FRMD4B: variants seen among roughly 807,000 people sequenced by gnomAD.
The protein encoded by FRMD4B is FERM domain containing 4B.
In FRMD4B, 74 loss-of-function variants were observed where a neutral mutation model predicts 141.5. The observed-to-expected ratio is 0.52, with a 90% CI of 0.43 to 0.63. The LOEUF (loss-of-function observed/expected upper bound fraction) is 0.63. Ranked by LOEUF, FRMD4B falls within the 30% of genes least tolerant of loss-of-function variation. FRMD4B has a pLI of 0.00. For missense variants in FRMD4B, 1,366 were observed against 1,253.4 expected (o/e 1.09, Z -1.36); for synonymous variants, 506 against 467.9 (o/e 1.08, Z -1.05).
intron 1 of FRMD4B, among the ~76,000 whole-genome samples, chr3:69,349,940 A>G (rs1052082931): frequency 6.6e-6 from 1 of 152,182 alleles, no homozygotes; most frequent in African/African-American, 2.4e-5. Flanking sequence ...TAAAACACCA[A>G]AAGCAATGGC....
chr3:69,471,159 T>G (rs1705882462), intron 1 of FRMD4B, among the ~76,000 whole-genome samples: 1 of 152,088 alleles, frequency 6.6e-6, no homozygotes, highest in African/African-American at 2.4e-5. Context: ...TTTCAAGGGG[T>G]TTGGTGAGTT....
chr3:69,532,795 G>A (rs1394573750), intron 1 of FRMD4B, among the ~76,000 whole-genome samples: 6 of 152,218 alleles, frequency 3.9e-5, no homozygotes, highest in African/African-American at 1.4e-4. Context: ...GGTGCAACAA[G>A]GGAAGCCCGA....
At chr3:69,344,668 T>C (rs1702868960) in intron 1 of FRMD4B, among the ~76,000 whole-genome samples, 1 of 152,210 alleles carries the variant, frequency 6.6e-6, no homozygotes, top group African/African-American at 2.4e-5. Flanking sequence ...TACTGTTGTA[T>C]AGGATAAAGT....
At chr3:69,215,146 C>T (rs1011957839) in intron 11 of FRMD4B, among the ~76,000 whole-genome samples, 2 of 151,716 alleles carry the variant, frequency 1.3e-5, no homozygotes, top group African/African-American at 4.8e-5. Flanking sequence ...TCCCAAAGTG[C>T]TGGGATTACA....
At chr3:69,278,180 G>C (rs2093627461) in intron 5 of FRMD4B, among the ~76,000 whole-genome samples, 1 of 152,152 alleles carries the variant, frequency 6.6e-6, no homozygotes, top group Non-Finnish European at 1.5e-5. Context: ...AAGTGTGGTA[G>C]GCAGTCCATT....
intron 1 of FRMD4B, among the ~76,000 whole-genome samples, chr3:69,476,510 T>C (rs1230094565): frequency 2.0e-5 from 3 of 152,168 alleles, no homozygotes; most frequent in African/African-American, 7.2e-5. Flanking sequence ...GATCAGATAG[T>C]TGTAGATATG....
intron 7 of FRMD4B, among the ~76,000 whole-genome samples, chr3:69,233,084 T>G (rs1011843632): frequency 4.0e-5 from 6 of 151,796 alleles, no homozygotes; most frequent in Admixed American, 1.3e-4. Context: ...AGCAAAGCGC[T>G]TCCTTACCTG....
intron 1 of FRMD4B, among the ~76,000 whole-genome samples, chr3:69,454,637 A>G (rs1282999085): frequency 6.6e-6 from 1 of 152,134 alleles, no homozygotes; most frequent in Non-Finnish European, 1.5e-5. Context: ...CGCCCACGCC[A>G]CACTCTAATT....
At chr3:69,313,556 G>A (rs555958510) in intron 1 of FRMD4B, 39 bp from the exon 2 acceptor site, 3 of 1,276,266 alleles carry the variant, frequency 2.4e-6, no homozygotes, top group African/African-American at 1.5e-5. Context: ...TCAGGGCCAC[G>A]GCTGGCAAGC....
At chr3:69,212,370 AAAAAAAAAAAG>A (rs1197425905) in intron 11 of FRMD4B, among the ~76,000 whole-genome samples, 1,056 of 91,840 alleles carry the variant, frequency 0.011, 16 homozygotes, top group African/African-American at 0.036. Context: ...AAAAAAAAAA[AAAAAAAAAAAG>A]AAAAAAAAAA....
intron 1 of FRMD4B, among the ~76,000 whole-genome samples, chr3:69,505,308 T>C (rs1706578363): frequency 6.6e-6 from 1 of 151,872 alleles, no homozygotes; most frequent in Non-Finnish European, 1.5e-5. Context: ...AACCCAGGAG[T>C]TCGAGGTTAC....
chr3:69,173,623 T>C (rs2092611761), intron 22 of FRMD4B, among the ~76,000 whole-genome samples: 1 of 152,202 alleles, frequency 6.6e-6, no homozygotes, highest in Non-Finnish European at 1.5e-5. Context: ...ATAGGTTAAA[T>C]TGATCAGACT....
At chr3:69,519,805 C>T (rs1302928314) in intron 1 of FRMD4B, among the ~76,000 whole-genome samples, 3 of 151,770 alleles carry the variant, frequency 2.0e-5, no homozygotes, top group African/African-American at 4.8e-5. Flanking sequence ...CATCTTTTCC[C>T]GAGTCCCCAA....
chr3:69,429,140 T>C (rs1705135299), intron 2 of FRMD4B, among the ~76,000 whole-genome samples: 1 of 152,220 alleles, frequency 6.6e-6, no homozygotes, highest in Non-Finnish European at 1.5e-5. Context: ...AGTACCATCA[T>C]TTATCCACTT....
intron 1 of FRMD4B, among the ~76,000 whole-genome samples, chr3:69,461,484 C>T (rs1373765358): frequency 6.6e-6 from 1 of 151,732 alleles, no homozygotes; most frequent in Admixed American, 6.6e-5. Flanking sequence ...ATTATCCAGG[C>T]ATGGTGGCGC....
At chr3:69,477,308 T>C (rs1278745601) in intron 1 of FRMD4B, among the ~76,000 whole-genome samples, 1 of 147,808 alleles carries the variant, frequency 6.8e-6, no homozygotes, top group Non-Finnish European at 1.5e-5. Context: ...TGCTTCCAGT[T>C]TTTGCCCATT....
At chr3:69,238,592 T>C (rs1171160013) in intron 7 of FRMD4B, among the ~76,000 whole-genome samples, 1 of 152,142 alleles carries the variant, frequency 6.6e-6, no homozygotes, top group Non-Finnish European at 1.5e-5. Flanking sequence ...GAGATCAGCC[T>C]AGGCAACACA....
chr3:69,447,206 T>G (rs1705422050), intron 1 of FRMD4B, among the ~76,000 whole-genome samples: 1 of 152,136 alleles, frequency 6.6e-6, no homozygotes, highest in Non-Finnish European at 1.5e-5. Context: ...AATTTATAAG[T>G]CTCTTTTACA....
At chr3:69,346,363 C>A (rs1394279937) in intron 1 of FRMD4B, among the ~76,000 whole-genome samples, 11 of 152,092 alleles carry the variant, frequency 7.2e-5, no homozygotes, top group Admixed American at 7.2e-4. Context: ...GATTGGTATA[C>A]CTGAAAGTGA....
Sources: allele counts gnomAD v4.1 joint callset (sites outside exome capture counted in the v4.1 genomes callset), GRCh38; gene constraint gnomAD v4.1.1; transcripts MANE v1.5; gene names NCBI Gene and HGNC (gene_info 2026-07-23, HGNC 2026-07-21).